ACSM2B: variants seen among roughly 807,000 people sequenced by gnomAD.
ACSM2B encodes the protein acyl-CoA synthetase medium chain family member 2B.
Under a neutral mutation model 78.6 loss-of-function variants are expected in ACSM2B, and 58 were observed. The observed-to-expected ratio is 0.74, with a 90% CI of 0.60 to 0.92. The LOEUF is 0.92. Among genes scored for constraint, ACSM2B ranks in the 40% least tolerant of loss-of-function variants. The probability of loss-of-function intolerance (pLI) is 0.00; values close to 1 mark genes in which losing one functional copy is unlikely to be tolerated. For missense variants in ACSM2B, 688 were observed against 711.2 expected (o/e 0.97, Z 0.37); for synonymous variants, 257 against 256.8 (o/e 1.00, Z -0.01).
At chr16:20,550,667 C>A (rs376254640) in intron 6 of ACSM2B, among the ~76,000 whole-genome samples, 5 of 152,134 alleles carry the variant, frequency 3.3e-5, no homozygotes, top group African/African-American at 1.2e-4. Flanking sequence ...TTAGCTTGAA[C>A]CTTTGCTGCA....
intron 1 of ACSM2B, among the ~76,000 whole-genome samples, chr16:20,566,913 T>C: frequency 8.4e-6 from 1 of 118,370 alleles, no homozygotes; most frequent in Admixed American, 1.2e-4. Flanking sequence ...TATAATAGTA[T>C]AGTTATATAT....
At chr16:20,541,290 T>G (rs1048754396) in intron 12 of ACSM2B, 2 of 157,024 alleles carry the variant, frequency 1.3e-5, no homozygotes, top group Admixed American at 6.0e-5. Flanking sequence ...TGTGATGTGT[T>G]CTGTACGTAC....
chr16:20,539,321 A>G (rs2014926764), intron 13 of ACSM2B, among the ~76,000 whole-genome samples: 1 of 120,890 alleles, frequency 8.3e-6, no homozygotes, highest in Non-Finnish European at 1.7e-5. Flanking sequence ...GAGGAAAGGC[A>G]GGTGGCATCT....
Position 20,540,741 on chromosome 16 carries a change from C to G in ACSM2B, c.1542G>C (p.Gln514His). 6.2e-7 allele frequency: 1 copy of G among 1,614,092 alleles called. No homozygotes were observed. Among genetic ancestry groups the G allele is most frequent in the Non-Finnish European group, 8.5e-7 (1 of 1,179,986 alleles). The change falls in exon 13 of 14, where the codon CAG (glutamine) becomes CAC (histidine). Residue 514 changes from glutamine to histidine, a missense_variant. Coordinates refer to ENST00000329697, the MANE Select transcript of ACSM2B (RefSeq NM_001105069.2). Reference protein sequence around the residue: ...VVKAFVILASQFLSHDPEQLT... With the variant: ...VVKAFVILASHFLSHDPEQLT... ...GCTGTTCTGGGTCATGGGATAGGAA[C>G]TGCGAGGCCAGGATCACAAATGCCT... is the stretch of plus-strand genomic sequence containing the variant.
At chr16:20,566,776 G>T (rs1164631842) in intron 1 of ACSM2B, among the ~76,000 whole-genome samples, 4 of 49,426 alleles carry the variant, frequency 8.1e-5, no homozygotes, top group Non-Finnish European at 1.5e-4. Context: ...TAGATATATA[G>T]ATACAATATT....
chr16:20,553,927 A>G lies in ACSM2B; in HGVS notation c.597-7T>C, dbSNP rs199899539. 271 of 1,612,454 alleles carry G rather than the reference A, an allele frequency of 1.7e-4. No individual in the cohort carries two copies. The highest frequency in any genetic ancestry group is 9.8e-4 in the African/African-American group (73 of 74,700). On this transcript the variant is annotated splice_region_variant and splice_polypyrimidine_tract_variant and intron_variant, in intron 4 of 13. Coordinates refer to ENST00000329697, the MANE Select transcript of ACSM2B (RefSeq NM_001105069.2). ...ATGAGTGGTGGATGCCTCACTGACA[A>G]AGACACAGATTGTCATTTTCTCAGA...
At chr16:20,554,019 A>AC (rs2015395486) in intron 4 of ACSM2B, 99 bp from the exon 5 acceptor site, 1 of 1,415,058 alleles carries the variant, frequency 7.1e-7, no homozygotes. Flanking sequence ...TGAAAAGGGC[A>AC]AGTTGATGGA....
intron 6 of ACSM2B, 55 bp downstream of exon 6, chr16:20,552,089 T>C: frequency 6.6e-7 from 1 of 1,523,072 alleles, no homozygotes; most frequent in Non-Finnish European, 8.8e-7. Context: ...AAAATTGAAG[T>C]GTGCAAACCT....
chr16:20,548,232 A>G (rs750066612), intron 7 of ACSM2B, 47 bp from the exon 8 acceptor site: 12 of 1,613,232 alleles, frequency 7.4e-6, no homozygotes, highest in Non-Finnish European at 2.5e-6. Flanking sequence ...CTGGAACCAA[A>G]GTCCACTCAG....
chr16:20,567,472 A>G (rs2015945690), intron 1 of ACSM2B, among the ~76,000 whole-genome samples: 1 of 121,704 alleles, frequency 8.2e-6, no homozygotes, highest in Non-Finnish European at 1.6e-5. Context: ...ATATAATAAT[A>G]GTATAACAGT....
intron 1 of ACSM2B, among the ~76,000 whole-genome samples, chr16:20,566,957 T>C (rs1233668659): frequency 9.0e-5 from 10 of 110,658 alleles, no homozygotes; most frequent in African/African-American, 1.7e-4. Flanking sequence ...ATATCATATA[T>C]ATTATATATT....
At chr16:20,569,116 T>A (rs1567220300) in intron 1 of ACSM2B, among the ~76,000 whole-genome samples, 1 of 152,030 alleles carries the variant, frequency 6.6e-6, no homozygotes, top group African/African-American at 2.4e-5. Context: ...GCTTTTGGGT[T>A]CTTGGTCATA....
In ACSM2B at chr16:20,567,396, A is replaced by G. The variant is rs1395001033; in HGVS notation, c.-8-2543T>C. Among the ~76,000 whole-genome samples the G allele has an allele frequency of 1.8e-3, 210 of 119,156 alleles. 2 individuals are homozygous for G. The highest frequency in any genetic ancestry group is 6.5e-3 in the African/African-American group (192 of 29,522). 78.2% of individuals were successfully genotyped at this position (119,156 alleles called of 152,430 possible). ...TAATATATAGTATAATATTACATAT[A>G]CAATATATTATATAATATATAATAT... On this transcript the variant is annotated intron_variant, in intron 1 of 13. Transcript: ENST00000329697.
intron 3 of ACSM2B, among the ~76,000 whole-genome samples, chr16:20,558,886 C>T (rs903392862): frequency 6.6e-6 from 1 of 152,292 alleles, no homozygotes; most frequent in Middle Eastern, 3.4e-3. Flanking sequence ...ATTTGGCCTG[C>T]AGGTCACAGT....
rs11862376 is a variant in ACSM2B, at chr16:20,547,941, G to A, written c.1098+121C>T. The A allele has an allele frequency of 1.1e-5, 17 of 1,543,954 alleles. No homozygotes were observed. The African/African-American group carries it at 1.2e-4, about 11-fold the overall frequency. On this transcript the variant is annotated intron_variant, in intron 8 of 13. Transcript: ENST00000329697. ...TACTCAGTACCTGTCCCTTCACAGA[G>A]GCTCAATAAATATTTCTCAAATAAA...
chr16:20,553,708 G>T (rs2015383988), intron 5 of ACSM2B, 69 bp downstream of exon 5: 1 of 1,573,106 alleles, frequency 6.4e-7, no homozygotes, highest in Non-Finnish European at 8.6e-7. Context: ...AGGAGCATTG[G>T]ATTTGAACTC....
intron 1 of ACSM2B, chr16:20,574,578 A>G (rs2016192394): frequency 6.6e-6 from 1 of 151,570 alleles, no homozygotes; most frequent in South Asian, 2.1e-4. Context: ...AATATCCATG[A>G]AATCTTCACA....
chr16:20,559,623 CTATCAATATCTACCATAGTAGA>C lies in ACSM2B; in HGVS notation c.178-198_178-177del, dbSNP rs548559262. ...GAGTTGTTATTTATATGAGTTATAT[CTATCAATATCTACCATAGTAGA>C]TATTAAAACAGAATTTTTGTAAATG... On this transcript the variant is annotated intron_variant, in intron 2 of 13. Transcript: ENST00000329697. Among the ~76,000 whole-genome samples, 449 of 151,032 alleles carry C rather than the reference CTATCAATATCTACCATAGTAGA, an allele frequency of 3.0e-3. 4 individuals are homozygous for C. The highest frequency in any genetic ancestry group is 4.9e-3 in the Non-Finnish European group (332 of 68,010).
At chr16:20,565,772 A>G (rs930106964) in intron 1 of ACSM2B, among the ~76,000 whole-genome samples, 14 of 152,066 alleles carry the variant, frequency 9.2e-5, no homozygotes, top group African/African-American at 3.4e-4. Context: ...TACACTTAAC[A>G]GTACACACTT....
Sources: gnomAD v4.1 joint callset for allele counts (sites outside exome capture counted in the v4.1 genomes callset) on GRCh38, gnomAD v4.1.1 for gene constraint, MANE v1.5 for transcripts, NCBI Gene and HGNC (gene_info 2026-07-23, HGNC 2026-07-21) for gene names.